KCNJ12: variants seen among roughly 807,000 people sequenced by gnomAD.
The protein encoded by KCNJ12 is ATP-sensitive inward rectifier potassium channel 12.
Under a neutral mutation model 22.3 loss-of-function variants are expected in KCNJ12, and 2 were observed. The ratio of observed to expected loss-of-function variants is 0.09; its 90% CI spans 0.04 to 0.28. The LOEUF (loss-of-function observed/expected upper bound fraction) is 0.28, where lower values mean the gene tolerates loss of function less well. Ranked by LOEUF, KCNJ12 falls within the 10% of genes least tolerant of loss-of-function variation. The probability of loss-of-function intolerance (pLI) is 1.00; values close to 1 mark genes in which losing one functional copy is unlikely to be tolerated. For synonymous variants in KCNJ12, 117 were observed against 261.4 expected, an observed-to-expected ratio of 0.45 and a Z score of 5.33; for missense variants, 155 against 633.3, an observed-to-expected ratio of 0.24 and a Z score of 8.11.
At chr17:21,391,865 C>A (rs148428093) in intron 1 of KCNJ12, among the ~76,000 whole-genome samples, 1 of 152,344 alleles carries the variant, frequency 6.6e-6, no homozygotes, top group South Asian at 2.1e-4. Context: ...TCCCCTGCCA[C>A]CAGGCCTACC....
rs1180924457 is a variant in KCNJ12 at position 21,395,303 on chromosome 17, A to G, written c.-178-13216A>G. The stretch of plus-strand genomic sequence containing the variant: ...CAGCAAGATCCTAAAGAAAAAAAAA[A>G]AAAAAAAAAAACGGCGCACAGTGAC... On this transcript the variant is annotated intron_variant, in intron 1 of 2. Transcript: ENST00000583088. 7.3e-5 allele frequency among the ~76,000 whole-genome samples: 11 copies of G among 151,016 alleles called. No individual in the cohort carries two copies. In the South Asian group the frequency reaches 8.4e-4, roughly 12 times the overall value.
intron 1 of KCNJ12, among the ~76,000 whole-genome samples, chr17:21,379,126 A>C (rs1366600171): frequency 6.6e-6 from 1 of 152,172 alleles, no homozygotes; most frequent in Non-Finnish European, 1.5e-5. Context: ...GCAAAATAAT[A>C]ATGACAGCAG....
intron 2 of KCNJ12, among the ~76,000 whole-genome samples, chr17:21,410,913 G>C (rs1230918266): frequency 6.6e-6 from 1 of 152,426 alleles, no homozygotes; most frequent in South Asian, 2.1e-4. Flanking sequence ...AGAAGAGCAC[G>C]TGGCAGGTAG....
At chr17:21,392,120 G>A (rs369634421) in intron 1 of KCNJ12, among the ~76,000 whole-genome samples, 13 of 152,202 alleles carry the variant, frequency 8.5e-5, no homozygotes, top group South Asian at 4.1e-4. Context: ...CAGTGACTTC[G>A]AGGGAGGTGG....
chr17:21,405,749 G>C (rs1323221806), intron 1 of KCNJ12, among the ~76,000 whole-genome samples: 3 of 152,290 alleles, frequency 2.0e-5, no homozygotes, highest in African/African-American at 7.2e-5. Flanking sequence ...GCATTTGTGG[G>C]ACTTGGCGGG....
intron 1 of KCNJ12, among the ~76,000 whole-genome samples, chr17:21,394,208 G>A (rs1555559641): frequency 1.3e-5 from 2 of 152,174 alleles, no homozygotes; most frequent in African/African-American, 2.4e-5. Flanking sequence ...CCCTATACAG[G>A]TGTACCACTT....
chr17:21,412,742 G>A (rs1464501534), intron 2 of KCNJ12, among the ~76,000 whole-genome samples: 211 of 152,124 alleles, frequency 1.4e-3, no homozygotes, highest in African/African-American at 4.6e-3. Context: ...AGCCACAGCG[G>A]TGTTGGGGGA....
chr17:21,412,869 A>T lies in KCNJ12; in HGVS notation c.-56-2418A>T, dbSNP rs560618724. 4.0e-4 allele frequency among the ~76,000 whole-genome samples: 61 copies of T among 152,236 alleles called. No individual in the cohort carries two copies. In the South Asian group the frequency reaches 4.6e-3, roughly 11 times the overall value. On this transcript the variant is annotated intron_variant, in intron 2 of 2. Coordinates refer to ENST00000583088, the MANE Select transcript of KCNJ12 (RefSeq NM_021012.5). The stretch of plus-strand genomic sequence containing the variant: ...CTTAATGGCTGTGTGGCCTGGGGGA[A>T]GTCACTTAACTTCTCTGAACCTGGA...
At chr17:21,410,307 A>G (rs1270797003) in intron 2 of KCNJ12, among the ~76,000 whole-genome samples, 1 of 152,228 alleles carries the variant, frequency 6.6e-6, no homozygotes, top group Non-Finnish European at 1.5e-5. Flanking sequence ...CAGTCTCCCC[A>G]TCTGCAAAGG....
chr17:21,389,880 G>T (rs782067981), intron 1 of KCNJ12, among the ~76,000 whole-genome samples: 1 of 152,102 alleles, frequency 6.6e-6, no homozygotes, highest in Non-Finnish European at 1.5e-5. Context: ...GACTTAAAGG[G>T]CATGAACCCT....
In KCNJ12 at chr17:21,415,583, C is replaced by A. The variant is rs782136725; in HGVS notation, c.241C>A (p.Arg81=). ...MFTTCVDIRW[R]YMLLIFSLAF... ...CACCACCTGTGTGGACATCCGCTGG[C>A]GGTACATGCTGCTCATCTTCTCGCT... Residue 81 remains arginine (R), a synonymous_variant, in exon 3 of 3, where the codon CGG becomes AGG. Transcript: ENST00000583088. 1 of 1,614,168 alleles carries A rather than the reference C, an allele frequency of 6.2e-7. No individual in the cohort carries two copies. Among genetic ancestry groups the A allele is most frequent in the South Asian group, 1.1e-5 (1 of 91,090 alleles).
At chr17:21,396,933 C>T (rs1555559988) in intron 1 of KCNJ12, among the ~76,000 whole-genome samples, 1 of 152,180 alleles carries the variant, frequency 6.6e-6, no homozygotes, top group African/African-American at 2.4e-5. Context: ...AAGGGGGTCT[C>T]CCAGGGCACA....
chr17:21,388,868 C>G (rs1302153366), intron 1 of KCNJ12, among the ~76,000 whole-genome samples: 1 of 152,216 alleles, frequency 6.6e-6, no homozygotes, highest in Non-Finnish European at 1.5e-5. Context: ...CGCTGGGCCC[C>G]CCCCGAGGGA....
Position 21,416,211 on chromosome 17 carries a change from CG to C in KCNJ12, c.871del (p.Asp291ThrfsTer18), listed in dbSNP as rs1906764076. 1 of 896,038 alleles carries C rather than the reference CG, an allele frequency of 1.1e-6. No homozygotes were observed. The highest frequency in any genetic ancestry group is 1.7e-5 in the African/African-American group (1 of 60,158). The allele number at this position is 896,038 out of a possible 1,614,324, so 55.5% of individuals were successfully genotyped here. A position where few individuals can be genotyped will look rare whatever the true frequency, so the allele number is the denominator to read the frequency against. On this transcript the variant is annotated frameshift_variant, in exon 3 of 3. Transcript: ENST00000583088. LOFTEE classifies it high-confidence loss of function. ...GGCATCAGCCGGCAGGACCTGGAGA[CG>C]GACGACTTTGAGATCGTGGTCATCC... ...LFGISRQDLE[T>X]DDFEIVVILE...
intron 2 of KCNJ12, among the ~76,000 whole-genome samples, chr17:21,409,632 G>A (rs1452042592): frequency 6.6e-6 from 1 of 152,308 alleles, no homozygotes; most frequent in Non-Finnish European, 1.5e-5. Flanking sequence ...ACTGAAAGCT[G>A]TCCTGGCAGC....
intron 1 of KCNJ12, among the ~76,000 whole-genome samples, chr17:21,394,346 G>A (rs1183895240): frequency 6.6e-6 from 1 of 152,194 alleles, no homozygotes; most frequent in African/African-American, 2.4e-5. Context: ...CAGGTTTGCT[G>A]CCTAGGAGCA....
chr17:21,386,973 T>A (rs935021995), intron 1 of KCNJ12, among the ~76,000 whole-genome samples: 2 of 152,232 alleles, frequency 1.3e-5, no homozygotes, highest in Non-Finnish European at 2.9e-5. Flanking sequence ...CCACTACTCA[T>A]GGCCAACCCA....
rs1321948372 is a variant in KCNJ12, at chr17:21,419,300, G to C, written c.*2656G>C. The C allele has an allele frequency of 6.7e-6, 1 of 148,232 alleles. No individual in the cohort carries two copies. Among genetic ancestry groups the C allele is most frequent in the East Asian group, 2.0e-4 (1 of 5,002 alleles). The allele number at this position is 148,232 out of a possible 1,614,324, so 9.2% of individuals were successfully genotyped here. A position where few individuals can be genotyped will look rare whatever the true frequency, so the allele number is the denominator to read the frequency against. On this transcript the variant is annotated 3_prime_UTR_variant, in exon 3 of 3. Coordinates refer to ENST00000583088, the MANE Select transcript of KCNJ12 (RefSeq NM_021012.5). ...ATACAGATACGTGATCTATACGTGTGTGTGTGTGTGTGTGTGTGTGTGTGT... is the reference window on the plus strand; with the variant it reads ...ATACAGATACGTGATCTATACGTGTCTGTGTGTGTGTGTGTGTGTGTGTGT...
intron 1 of KCNJ12, among the ~76,000 whole-genome samples, chr17:21,407,820 CATCCACTCATCCATCCT>C (rs1906060460): frequency 6.7e-6 from 1 of 148,796 alleles, no homozygotes; most frequent in African/African-American, 2.5e-5. Context: ...TTCACCCATT[CATCCACTCATCCATCCT>C]TCCTCCATAC....
Sources: allele counts gnomAD v4.1 joint callset (sites outside exome capture counted in the v4.1 genomes callset), GRCh38; gene constraint gnomAD v4.1.1; transcripts MANE v1.5; gene names NCBI Gene and HGNC (gene_info 2026-07-23, HGNC 2026-07-21).